SH2D4A: variants seen among roughly 807,000 people sequenced by gnomAD.
The protein encoded by SH2D4A is SH2 domain-containing protein 4A.
SH2D4A carries 70 observed loss-of-function variants against 64.7 expected under a neutral mutation model. That is an observed-to-expected ratio of 1.08 (90% CI 0.89 to 1.32). SH2D4A has a LOEUF of 1.32. Ranked by LOEUF, SH2D4A falls within the 40% of genes most tolerant of loss-of-function variation. The pLI is 0.00. For synonymous variants in SH2D4A, 268 were observed against 200.7 expected (o/e 1.34, Z -2.83); for missense variants, 706 against 540.1 (o/e 1.31, Z -3.04).
At chr8:19,334,636 C>G (rs571620312) in intron 3 of SH2D4A, 50 bp from the exon 4 acceptor site, 1 of 1,546,488 alleles carries the variant, frequency 6.5e-7, no homozygotes, top group East Asian at 2.3e-5. Context: ...TGGAAAGGCT[C>G]TTCCTGTTGA....
Position 19,393,472 on chromosome 8 carries a change from C to A in SH2D4A, c.1203C>A (p.Asp401Glu), listed in dbSNP as rs371332467. 6.2e-7 allele frequency: 1 copy of A among 1,614,106 alleles called. No homozygotes were observed. Among genetic ancestry groups the A allele is most frequent in the Non-Finnish European group, 8.5e-7 (1 of 1,180,038 alleles). ...CKHFLIDASA[D>E]AYSFLGVDQL... is the part of the protein sequence containing the mutation. Reference sequence around the variant, plus strand: ...ATTTCCTCATCGATGCCTCTGCAGACGCCTACAGCTTCCTGGGCGTGGACC... The same window carrying A: ...ATTTCCTCATCGATGCCTCTGCAGAAGCCTACAGCTTCCTGGGCGTGGACC... The change falls in exon 9 of 10, where the codon GAC (aspartate) becomes GAA (glutamate). Residue 401 changes from aspartate to glutamate, a missense_variant. Asp to Glu is a conservative substitution (Grantham distance 45). Transcript: ENST00000265807.
At chr8:19,365,555 G>A (rs1346872980) in intron 7 of SH2D4A, among the ~76,000 whole-genome samples, 1 of 152,134 alleles carries the variant, frequency 6.6e-6, no homozygotes, top group Non-Finnish European at 1.5e-5. Context: ...CTCTTCCAAA[G>A]GTAGCATGGA....
chr8:19,372,193 T>A (rs1455829829), intron 7 of SH2D4A, among the ~76,000 whole-genome samples: 1 of 152,234 alleles, frequency 6.6e-6, no homozygotes, highest in African/African-American at 2.4e-5. Flanking sequence ...CCAGAAATTC[T>A]AAAGCAACTT....
intron 2 of SH2D4A, among the ~76,000 whole-genome samples, chr8:19,332,362 G>A (rs1178614735): frequency 1.3e-5 from 2 of 152,050 alleles, no homozygotes; most frequent in Non-Finnish European, 2.9e-5. Context: ...GCAGCCAGGC[G>A]CAGTGACTCA....
At chr8:19,349,149 G>C (rs2052658492) in intron 4 of SH2D4A, among the ~76,000 whole-genome samples, 1 of 152,140 alleles carries the variant, frequency 6.6e-6, no homozygotes, top group Admixed American at 6.5e-5. Flanking sequence ...ATTTTTGTGA[G>C]AAATAAAGCA....
In SH2D4A at chr8:19,394,700, C is replaced by A; in HGVS notation, c.*58C>A. 7.3e-7 allele frequency: 1 copy of A among 1,368,062 alleles called. No individual in the cohort carries two copies. Among genetic ancestry groups the A allele is most frequent in the Middle Eastern group, 2.0e-4 (1 of 4,934 alleles). The allele number at this position is 1,368,062 out of a possible 1,614,324, so 84.7% of individuals were successfully genotyped here. A position where few individuals can be genotyped will look rare whatever the true frequency, so the allele number is the denominator to read the frequency against. Reference sequence around the variant, plus strand: ...AGCGGGCTTTCCCCTGGACAAATGCCACTGCAACATTTATGTGTGAAGCCA... The same window carrying A: ...AGCGGGCTTTCCCCTGGACAAATGCAACTGCAACATTTATGTGTGAAGCCA... On this transcript the variant is annotated 3_prime_UTR_variant, in exon 10 of 10. Coordinates refer to ENST00000265807, the MANE Select transcript of SH2D4A (RefSeq NM_022071.4).
chr8:19,334,996 C>A, intron 4 of SH2D4A, 139 bp downstream of exon 4: 1 of 1,054,926 alleles, frequency 9.5e-7, no homozygotes, highest in South Asian at 1.9e-5. Flanking sequence ...ACTTTAAGAT[C>A]CTCCAGGGCA....
intron 2 of SH2D4A, among the ~76,000 whole-genome samples, chr8:19,328,495 C>G (rs778914672): frequency 3.9e-5 from 6 of 152,106 alleles, no homozygotes; most frequent in Non-Finnish European, 7.3e-5. Flanking sequence ...GTGGCCTGAA[C>G]CTTCCTAAAT....
intron 1 of SH2D4A, among the ~76,000 whole-genome samples, chr8:19,315,879 G>C (rs1049349914): frequency 1.3e-5 from 2 of 152,208 alleles, no homozygotes; most frequent in Non-Finnish European, 1.5e-5. Context: ...CTTCACAGTA[G>C]ATTATGTCAG....
intron 4 of SH2D4A, among the ~76,000 whole-genome samples, chr8:19,351,708 A>G (rs1329793323): frequency 2.0e-5 from 3 of 152,062 alleles, no homozygotes; most frequent in South Asian, 2.1e-4. Context: ...AGTCCTGACA[A>G]TGTTCTGTTT....
chr8:19,385,880 G>A (rs2053382278), intron 8 of SH2D4A, among the ~76,000 whole-genome samples: 1 of 152,108 alleles, frequency 6.6e-6, no homozygotes, highest in African/African-American at 2.4e-5. Flanking sequence ...TTAATTGTGG[G>A]GCTATCAATA....
At chr8:19,384,744 G>A (rs1186588072) in intron 8 of SH2D4A, among the ~76,000 whole-genome samples, 1 of 152,130 alleles carries the variant, frequency 6.6e-6, no homozygotes, top group Non-Finnish European at 1.5e-5. Context: ...CCCCAAGACA[G>A]GGCCAAAGAA....
intron 8 of SH2D4A, among the ~76,000 whole-genome samples, chr8:19,392,390 C>T (rs1226679506): frequency 6.6e-6 from 1 of 152,190 alleles, no homozygotes; most frequent in Non-Finnish European, 1.5e-5. Context: ...CTACTGCTAT[C>T]TGGGGCTGGA....
At chr8:19,358,496 T>C (rs2052828936) in intron 5 of SH2D4A, among the ~76,000 whole-genome samples, 1 of 152,024 alleles carries the variant, frequency 6.6e-6, no homozygotes, top group Non-Finnish European at 1.5e-5. Context: ...GAAGGCAGTA[T>C]TGGAGCAGAG....
At chr8:19,392,160 AAG>A (rs1801575169) in intron 8 of SH2D4A, among the ~76,000 whole-genome samples, 1 of 152,218 alleles carries the variant, frequency 6.6e-6, no homozygotes, top group South Asian at 2.1e-4. Context: ...GGTCTGGAGT[AAG>A]AGTGTGAATT....
At chr8:19,345,656 A>G (rs1234700616) in intron 4 of SH2D4A, among the ~76,000 whole-genome samples, 2 of 152,248 alleles carry the variant, frequency 1.3e-5, no homozygotes, top group African/African-American at 4.8e-5. Flanking sequence ...CACCTGGGTA[A>G]TAGCTAATCT....
In SH2D4A at chr8:19,361,205, G is replaced by C. The variant is rs769017014; in HGVS notation, c.597G>C (p.Lys199Asn). The C allele has an allele frequency of 2.7e-6, 4 of 1,485,032 alleles. No homozygotes were observed. In the South Asian group the frequency reaches 4.8e-5, roughly 18 times the overall value. The allele number at this position is 1,485,032 out of a possible 1,614,324, so 92.0% of individuals were successfully genotyped here. ...TTTTTTGTTTTGTTTTTAAACAGAA[G>C]AAAGAATCTATGAAGAAAAAACAAG... Reference protein sequence around the residue: ...NRMKAYAFHQKKESMKKKQDE... With the variant: ...NRMKAYAFHQNKESMKKKQDE... Residue 199 changes from lysine (K) to asparagine (N), a missense_variant and splice_region_variant, in exon 6 of 10, where the codon AAG (lysine) becomes AAC (asparagine). Coordinates refer to ENST00000265807, the MANE Select transcript of SH2D4A (RefSeq NM_022071.4).
At chr8:19,335,453 C>T (rs953877291) in intron 4 of SH2D4A, among the ~76,000 whole-genome samples, 3 of 152,188 alleles carry the variant, frequency 2.0e-5, no homozygotes, top group African/African-American at 7.2e-5. Flanking sequence ...CTCCTCAATG[C>T]TGCCCCATTA....
chr8:19,338,334 A>T (rs1218937821), intron 4 of SH2D4A, among the ~76,000 whole-genome samples: 3 of 152,168 alleles, frequency 2.0e-5, no homozygotes, highest in Non-Finnish European at 4.4e-5. Flanking sequence ...TAAACAATCT[A>T]TTTGTTAGGC....
Sources: allele counts gnomAD v4.1 joint callset (sites outside exome capture counted in the v4.1 genomes callset), GRCh38; gene constraint gnomAD v4.1.1; transcripts MANE v1.5; gene names NCBI Gene and HGNC (gene_info 2026-07-23, HGNC 2026-07-21).